FAT3: variants seen among roughly 807,000 people sequenced by gnomAD.
FAT3 encodes protocadherin Fat 3.
In FAT3, 95 loss-of-function variants were observed where a neutral mutation model predicts 310.2. The ratio of observed to expected loss-of-function variants is 0.31; its 90% CI spans 0.26 to 0.36. FAT3 has a LOEUF of 0.36. Ranked by LOEUF, FAT3 falls within the 10% of genes least tolerant of loss-of-function variation. The pLI, the probability that FAT3 is intolerant of heterozygous loss-of-function variation, is 1.00. For synonymous variants in FAT3, 2,314 were observed against 2,192.9 expected (o/e 1.06, Z -1.54); for missense variants, 5,408 against 5,715.6 (o/e 0.95, Z 1.74).
intron 1 of FAT3, among the ~76,000 whole-genome samples, chr11:92,319,308 C>A (rs1174074621): frequency 6.6e-6 from 1 of 151,954 alleles, no homozygotes; most frequent in South Asian, 2.1e-4. Flanking sequence ...GTCAAGGTTG[C>A]AAGCAGTGGA....
chr11:92,237,072 C>T (rs1332074428), intron 1 of FAT3, among the ~76,000 whole-genome samples: 1 of 152,076 alleles, frequency 6.6e-6, no homozygotes, highest in East Asian at 1.9e-4. Flanking sequence ...AAGGTTGGCA[C>T]AATTCCAGCA....
chr11:92,242,421 C>T (rs1361367678), intron 1 of FAT3, among the ~76,000 whole-genome samples: 2 of 151,864 alleles, frequency 1.3e-5, no homozygotes, highest in Non-Finnish European at 2.9e-5. Flanking sequence ...TGTATGGCAA[C>T]TTAAGTGCAA....
chr11:92,500,011 G>C (rs1332494432), intron 2 of FAT3, among the ~76,000 whole-genome samples: 2 of 152,020 alleles, frequency 1.3e-5, no homozygotes, highest in African/African-American at 4.8e-5. Context: ...ATATGCTAGT[G>C]ATAGTAAGGG....
chr11:92,342,243 G>A (rs1471166339), intron 1 of FAT3, among the ~76,000 whole-genome samples: 1 of 151,964 alleles, frequency 6.6e-6, no homozygotes, highest in South Asian at 2.1e-4. Context: ...AAATGGTCAC[G>A]TGATGCCCCT....
chr11:92,788,955 G>A (rs1192300679), intron 7 of FAT3, among the ~76,000 whole-genome samples: 1 of 152,110 alleles, frequency 6.6e-6, no homozygotes, highest in Non-Finnish European at 1.5e-5. Flanking sequence ...TTAACCAAAT[G>A]CAATGTTTGG....
rs759729571 is a variant in FAT3, at chr11:92,883,012, C to T, written c.12556C>T (p.Arg4186Cys). ...GAAGGTCTTCCGCAAGAACTACTCC[C>T]GCAACAACATCACGCTAGTGCAGGA... ...RKKVFRKNYS[R>C]NNITLVQDPA... is the part of the protein sequence containing the mutation. Residue 4186 changes from arginine to cysteine, a missense_variant, in exon 24 of 28, where the codon CGC (arginine) becomes TGC (cysteine). Coordinates refer to ENST00000525166, the MANE Select transcript of FAT3 (RefSeq NM_001367949.2). The surrounding 1 kb of genome is among the most constrained non-coding windows in gnomAD (Gnocchi z 4.2). 1.9e-6 allele frequency: 3 copies of T among 1,613,930 alleles called. No individual in the cohort carries two copies. Among genetic ancestry groups the T allele is most frequent in the Non-Finnish European group, 2.5e-6 (3 of 1,179,898 alleles).
At chr11:92,628,407 C>G (rs1176399663) in intron 3 of FAT3, among the ~76,000 whole-genome samples, 1 of 152,168 alleles carries the variant, frequency 6.6e-6, no homozygotes, top group Non-Finnish European at 1.5e-5. Flanking sequence ...TGAAAGCTTA[C>G]TAATATCTTA....
chr11:92,670,793 C>T (rs922058358), intron 3 of FAT3, among the ~76,000 whole-genome samples: 1 of 152,130 alleles, frequency 6.6e-6, no homozygotes, highest in Non-Finnish European at 1.5e-5. Flanking sequence ...TTAGGGTGAA[C>T]ATATTGTCTG....
chr11:92,609,024 G>GGTTTATGAATGCTGCT (rs1940439754), intron 3 of FAT3, among the ~76,000 whole-genome samples: 2 of 152,152 alleles, frequency 1.3e-5, no homozygotes, highest in African/African-American at 4.8e-5. Flanking sequence ...CTGTGGCCAT[G>GGTTTATGAATGCTGCT]GTTTATGAAT....
At chr11:92,822,488 C>T (rs1346161064) in intron 13 of FAT3, among the ~76,000 whole-genome samples, 1 of 152,200 alleles carries the variant, frequency 6.6e-6, no homozygotes, top group Admixed American at 6.5e-5. Context: ...CCCTGCCTCT[C>T]CAGGGCATGT....
chr11:92,740,548 A>G (rs1945479157), intron 4 of FAT3, among the ~76,000 whole-genome samples: 1 of 152,214 alleles, frequency 6.6e-6, no homozygotes, highest in African/African-American at 2.4e-5. Context: ...AAGCAGATGA[A>G]TGTTAACTGG....
At position 92,439,916 on chromosome 11, in the gene FAT3, A is replaced by G. The variant is rs607738; in HGVS notation, c.3292+84512A>G. On this transcript the variant is annotated intron_variant, in intron 2 of 27. Coordinates refer to ENST00000525166, the MANE Select transcript of FAT3 (RefSeq NM_001367949.2). ...GGATGAGAGAGTGAGACCCTGTCTC[A>G]AAAAGAAAGAAAAAGAAAAGAAAGA... Among the ~76,000 whole-genome samples, 15 of 151,350 alleles carry G rather than the reference A, an allele frequency of 9.9e-5. 1 individual carries two copies. In the East Asian group the frequency reaches 1.2e-3, roughly 12 times the overall value.
At chr11:92,547,907 C>G (rs1005380245) in intron 3 of FAT3, among the ~76,000 whole-genome samples, 10 of 152,266 alleles carry the variant, frequency 6.6e-5, no homozygotes, top group Middle Eastern at 3.4e-3. Context: ...TGTGCAGAGG[C>G]TCTGGGGGGC....
chr11:92,712,402 G>T (rs1002820658), intron 4 of FAT3, among the ~76,000 whole-genome samples: 1 of 151,894 alleles, frequency 6.6e-6, no homozygotes. Context: ...ACGGAGGGAG[G>T]GCATGAAAAA....
chr11:92,435,831 T>G (rs1217174248), intron 2 of FAT3, among the ~76,000 whole-genome samples: 1 of 152,076 alleles, frequency 6.6e-6, no homozygotes, highest in East Asian at 1.9e-4. Context: ...CCTCCCAAAG[T>G]GCTGGGATTT....
chr11:92,548,415 C>T (rs982820314), intron 3 of FAT3, among the ~76,000 whole-genome samples: 2 of 152,164 alleles, frequency 1.3e-5, no homozygotes, highest in Non-Finnish European at 2.9e-5. Flanking sequence ...TGATTAAATA[C>T]AAGGACATTC....
chr11:92,627,646 A>T (rs1941386303), intron 3 of FAT3, among the ~76,000 whole-genome samples: 1 of 152,184 alleles, frequency 6.6e-6, no homozygotes, highest in Non-Finnish European at 1.5e-5. Context: ...AGAGCCAGGG[A>T]AAGACAGTGA....
chr11:92,796,794 G>C (rs1234294254), intron 9 of FAT3, among the ~76,000 whole-genome samples: 1 of 152,164 alleles, frequency 6.6e-6, no homozygotes, highest in African/African-American at 2.4e-5. Context: ...ACTCCACATT[G>C]TGTCTTCCCC....
intron 3 of FAT3, among the ~76,000 whole-genome samples, chr11:92,584,406 G>A (rs1368710850): frequency 6.6e-6 from 1 of 152,038 alleles, no homozygotes; most frequent in African/African-American, 2.4e-5. Context: ...TCATCGTACA[G>A]AAAGCTTTTG....
Sources: gnomAD v4.1 joint callset for allele counts (sites outside exome capture counted in the v4.1 genomes callset) on GRCh38, gnomAD v4.1.1 for gene constraint, Gnocchi (gnomAD v3.1) non-coding constraint, MANE v1.5 for transcripts, NCBI Gene and HGNC (gene_info 2026-07-23, HGNC 2026-07-21) for gene names.